Variants in LYPLA1 observed in about 807,000 individuals in gnomAD.
LYPLA1 encodes the protein lysophospholipase 1.
A neutral mutation model predicts 34.0 loss-of-function variants in LYPLA1; 17 were observed. That is an observed-to-expected ratio of 0.50 (90% CI 0.34 to 0.75). LYPLA1 has a LOEUF of 0.75. Among genes scored for constraint, LYPLA1 ranks in the 30% least tolerant of loss-of-function variants. The pLI, the probability that LYPLA1 is intolerant of heterozygous loss-of-function variation, is 0.01. For missense variants in LYPLA1, 203 were observed against 288.8 expected (o/e 0.70, Z 2.15); for synonymous variants, 98 against 100.8 (o/e 0.97, Z 0.17).
intron 8 of LYPLA1, among the ~76,000 whole-genome samples, chr8:54,049,764 C>A (rs1481038732): frequency 6.6e-6 from 1 of 152,158 alleles, no homozygotes; most frequent in African/African-American, 2.4e-5. Flanking sequence ...TACTCTTCTT[C>A]CTGTTTACCA....
At chr8:54,093,878 T>C (rs1485493613) in intron 2 of LYPLA1, among the ~76,000 whole-genome samples, 1 of 152,256 alleles carries the variant, frequency 6.6e-6, no homozygotes, top group Non-Finnish European at 1.5e-5. Context: ...GGACTTTATA[T>C]GCCAGTGGGC....
chr8:54,057,687 A>G (rs1027351758), intron 5 of LYPLA1, among the ~76,000 whole-genome samples: 2 of 152,278 alleles, frequency 1.3e-5, no homozygotes, highest in African/African-American at 4.8e-5. Flanking sequence ...GCTGGAGGTG[A>G]GGTGTAGCTA....
intron 8 of LYPLA1, among the ~76,000 whole-genome samples, chr8:54,050,028 A>T (rs940361126): frequency 1.3e-5 from 2 of 152,200 alleles, no homozygotes. Context: ...GCTAAACTGT[A>T]ATGTGTCCCC....
intron 2 of LYPLA1, among the ~76,000 whole-genome samples, chr8:54,094,180 G>A (rs1809511012): frequency 6.6e-6 from 1 of 152,194 alleles, no homozygotes; most frequent in East Asian, 1.9e-4. Flanking sequence ...TCTAGGAAAT[G>A]TCACAGGGAC....
intron 5 of LYPLA1, 35 bp from the exon 6 acceptor site, chr8:54,055,168 T>A (rs1806121936): frequency 7.8e-7 from 1 of 1,282,796 alleles, no homozygotes; most frequent in Admixed American, 1.8e-5. Context: ...AGCAATACTT[T>A]CAGAGTTAAG....
intron 2 of LYPLA1, among the ~76,000 whole-genome samples, chr8:54,084,743 T>C (rs1441236379): frequency 6.6e-6 from 1 of 152,076 alleles, no homozygotes; most frequent in Non-Finnish European, 1.5e-5. Flanking sequence ...TAGAAAAGAT[T>C]ATAAGAGAAC....
intron 2 of LYPLA1, among the ~76,000 whole-genome samples, chr8:54,087,096 C>T (rs1808852216): frequency 6.6e-6 from 1 of 152,144 alleles, no homozygotes; most frequent in African/African-American, 2.4e-5. Flanking sequence ...AATTCCCTCT[C>T]ATGATCTTGT....
chr8:54,062,846 A>T, intron 4 of LYPLA1, among the ~76,000 whole-genome samples: 1 of 152,142 alleles, frequency 6.6e-6, no homozygotes, highest in Non-Finnish European at 1.5e-5. Context: ...TGATGTTAGG[A>T]GTCTCAGAGA....
chr8:54,075,437 T>C (rs1006826087), intron 2 of LYPLA1, among the ~76,000 whole-genome samples: 2 of 152,056 alleles, frequency 1.3e-5, no homozygotes, highest in African/African-American at 4.8e-5. Context: ...GAGGGCCCCC[T>C]GATTGCAGCC....
intron 2 of LYPLA1, among the ~76,000 whole-genome samples, chr8:54,067,988 CCT>C (rs1161066310): frequency 1.3e-5 from 2 of 151,984 alleles, no homozygotes; most frequent in South Asian, 2.1e-4. Flanking sequence ...TGCCCAGCCC[CCT>C]GTTAAATACT....
chr8:54,099,127 T>C (rs1269548685), intron 2 of LYPLA1, among the ~76,000 whole-genome samples: 3 of 116,712 alleles, frequency 2.6e-5, no homozygotes, highest in Non-Finnish European at 4.7e-5. Flanking sequence ...AGACTGAAGT[T>C]TTTTTTTTTT....
intron 2 of LYPLA1, chr8:54,073,464 G>A (rs1315824292): frequency 2.6e-6 from 2 of 767,994 alleles, no homozygotes; most frequent in Non-Finnish European, 4.9e-6. Context: ...TGATGGCCTT[G>A]TGATGTATGG....
chr8:54,055,955 T>C (rs552109326), intron 5 of LYPLA1, among the ~76,000 whole-genome samples: 51 of 152,196 alleles, frequency 3.4e-4, no homozygotes, highest in African/African-American at 1.1e-3. Flanking sequence ...AAAATTTATA[T>C]GGAATCACGA....
chr8:54,053,062 C>A, intron 6 of LYPLA1: 2 of 266,534 alleles, frequency 7.5e-6, no homozygotes, highest in Admixed American at 4.7e-5. Context: ...GAATTTTAGG[C>A]ATAAAATCCA....
At chr8:54,073,394 T>C in intron 2 of LYPLA1, 1 of 781,764 alleles carries the variant, frequency 1.3e-6, no homozygotes, top group East Asian at 2.4e-5. Context: ...AAGTGTTCCA[T>C]TTGTAAATGC....
intron 2 of LYPLA1, among the ~76,000 whole-genome samples, chr8:54,078,948 C>T (rs1305306528): frequency 6.7e-6 from 1 of 150,178 alleles, no homozygotes; most frequent in African/African-American, 2.5e-5. Flanking sequence ...ATTTGATACA[C>T]TATTTCAATG....
At chr8:54,063,252 C>A in intron 4 of LYPLA1, 76 bp downstream of exon 4, 1 of 904,774 alleles carries the variant, frequency 1.1e-6, no homozygotes, top group South Asian at 1.7e-5. Flanking sequence ...ATAAAAACTG[C>A]TGTACACAAA....
chr8:54,085,969 G>A (rs1297712528), intron 2 of LYPLA1, among the ~76,000 whole-genome samples: 9 of 152,168 alleles, frequency 5.9e-5, no homozygotes, highest in East Asian at 1.9e-4. Context: ...CCATGATGAC[G>A]ATGGCGGTTT....
intron 2 of LYPLA1, among the ~76,000 whole-genome samples, chr8:54,086,111 T>C (rs180942753): frequency 6.6e-6 from 1 of 152,308 alleles, no homozygotes; most frequent in African/African-American, 2.4e-5. Context: ...GGGATGCTGT[T>C]AATCTATAAC....
Sources: allele counts gnomAD v4.1 joint callset (sites outside exome capture counted in the v4.1 genomes callset), GRCh38; gene constraint gnomAD v4.1.1; transcripts MANE v1.5; gene names NCBI Gene and HGNC (gene_info 2026-07-23, HGNC 2026-07-21).